SRMS: variants seen among roughly 807,000 people sequenced by gnomAD.
The protein encoded by SRMS is tyrosine-protein kinase Srms.
SRMS carries 42 observed loss-of-function variants against 43.5 expected under a neutral mutation model. That is an observed-to-expected ratio of 0.97 (90% CI 0.75 to 1.25). The LOEUF (loss-of-function observed/expected upper bound fraction) is 1.25, where lower values mean the gene tolerates loss of function less well. Among genes scored for constraint, SRMS ranks in the 50% most tolerant of loss-of-function variants. SRMS has a pLI of 0.00. For synonymous variants in SRMS, 316 were observed against 308.2 expected (o/e 1.03, Z -0.27); for missense variants, 703 against 681.0 (o/e 1.03, Z -0.36).
intron 5 of SRMS, 129 bp from the exon 6 acceptor site, chr20:63,541,749 G>A (rs1336677429): frequency 1.3e-5 from 16 of 1,192,744 alleles, no homozygotes; most frequent in Admixed American, 1.2e-4. Flanking sequence ...TGGCATGGCC[G>A]GCTAAGGCCA....
chr20:63,547,215 C>G lies in SRMS; in HGVS notation c.249G>C (p.Glu83Asp). ...TGCGTGCGAAGATGTAGCCGCCCCC[C>G]TCTTCGAGGGCACAGAGCCTGTCCC... ...RRGDRLCALE[E>D]GGGYIFARRL... Residue 83 changes from glutamate (E) to aspartate (D), a missense_variant, in exon 1 of 8, where the codon GAG (glutamate) becomes GAC (aspartate). By Grantham distance (45) the Glu-to-Asp change is conservative. Transcript: ENST00000217188. The G allele has an allele frequency of 6.2e-7, 1 of 1,612,356 alleles. No homozygotes were observed. The highest frequency in any genetic ancestry group is 8.5e-7 in the Non-Finnish European group (1 of 1,179,706).
chr20:63,543,541 C>T (rs991935499), intron 2 of SRMS, 61 bp from the exon 3 acceptor site: 1 of 1,574,166 alleles, frequency 6.4e-7, no homozygotes, highest in African/African-American at 1.3e-5. Flanking sequence ...GACCCTCCCA[C>T]CCCAGAGGAT....
rs1228936788 is a variant in SRMS at position 63,540,308 on chromosome 20, C to T, written c.*510G>A. On this transcript the variant is annotated 3_prime_UTR_variant, in exon 8 of 8. Coordinates refer to ENST00000217188, the MANE Select transcript of SRMS (RefSeq NM_080823.4). ...TGGGAGTCAGCACTGGTCATTTCCA[C>T]AAACCCAAGCTGGGACTAGGGAGAG... Among the ~76,000 whole-genome samples, 2 of 152,174 alleles carry T rather than the reference C, an allele frequency of 1.3e-5. No homozygotes were observed. Among genetic ancestry groups the T allele is most frequent in the Non-Finnish European group, 2.9e-5 (2 of 68,034 alleles).
rs370061091 is a variant in SRMS, at chr20:63,544,325, C to T, written c.380G>A (p.Arg127Gln). 3.2e-5 allele frequency: 47 copies of T among 1,477,280 alleles called. No individual in the cohort carries two copies. Among genetic ancestry groups the T allele is most frequent in the African/African-American group, 2.9e-5 (2 of 68,398 alleles). The allele number at this position is 1,477,280 out of a possible 1,614,324, so 91.5% of individuals were successfully genotyped here. A position where few individuals can be genotyped will look rare whatever the true frequency, so the allele number is the denominator to read the frequency against. The change falls in exon 2 of 8, where the codon CGG becomes CAG. Residue 127 changes from arginine (R) to glutamine (Q), a missense_variant. By Grantham distance (43) the Arg-to-Gln change is conservative. Transcript: ENST00000217188. The part of the protein sequence containing the change: ...DQPWYFSGVS[R>Q]TQAQQLLLSP... The stretch of plus-strand genomic sequence containing the variant: ...GAGGAGCAGCTGCTGTGCCTGGGTC[C>T]GACTGACCCCGCTAAAGTACCAGCT...
Position 63,547,244 on chromosome 20 carries a change from G to A in SRMS, c.220C>T (p.Arg74Cys), listed in dbSNP as rs768464633. The stretch of plus-strand genomic sequence containing the variant: ...TCGAGGGCACAGAGCCTGTCCCCGC[G>A]GCGGACACTCAGCTCCCCGCCACAC... ...ARCGGELSVR[R>C]GDRLCALEEG... Residue 74 changes from arginine (R) to cysteine (C), a missense_variant, in exon 1 of 8, where the codon CGC becomes TGC. By Grantham distance (180) the Arg-to-Cys change is radical. Transcript: ENST00000217188. 1.2e-5 allele frequency: 20 copies of A among 1,610,588 alleles called. No homozygotes were observed. Among genetic ancestry groups the A allele is most frequent in the Admixed American group, 3.3e-5 (2 of 59,722 alleles).
intron 4 of SRMS, 37 bp downstream of exon 4, chr20:63,542,403 C>A: frequency 6.3e-7 from 1 of 1,598,404 alleles, no homozygotes. Context: ...ACAGCAGGTG[C>A]GGGGCCCGGC....
At chr20:63,547,023 G>T in intron 1 of SRMS, 85 bp downstream of exon 1, 1 of 1,237,826 alleles carries the variant, frequency 8.1e-7, no homozygotes, top group African/African-American at 1.5e-5. Context: ...ACGGACATGC[G>T]ATTTCCAACT....
chr20:63,542,724 G>A lies in SRMS; in HGVS notation c.646-143C>T, dbSNP rs982803307. ...ACCCTGGCTGGGACAAAGGGGAGTG[G>A]GTGCCAGGCTTGGAGGCCCGGCCCA... On this transcript the variant is annotated intron_variant, in intron 3 of 7. Transcript: ENST00000217188. 3 of 1,151,872 alleles carry A rather than the reference G, an allele frequency of 2.6e-6. No individual in the cohort carries two copies. In the African/African-American group the frequency reaches 4.8e-5, roughly 18 times the overall value. The allele number at this position is 1,151,872 out of a possible 1,614,324, so 71.4% of individuals were successfully genotyped here. A position where few individuals can be genotyped will look rare whatever the true frequency, so the allele number is the denominator to read the frequency against.
Position 63,540,966 on chromosome 20 carries a change from A to G in SRMS, c.1319T>C (p.Met440Thr), listed in dbSNP as rs146978744. ...CGGGCGCGGCAGCCGGTACCCTCGC[A>G]TGATCTGCTGCAGCGTCTCGTGGTT... ...MTNHETLQQI[M>T]RGYRLPRPAA... is the part of the protein sequence containing the mutation. Residue 440 changes from methionine to threonine, a missense_variant, in exon 8 of 8, where the codon ATG becomes ACG. Physicochemically the swap from Met to Thr is moderately conservative, Grantham distance 81 (BLOSUM62 -1). Transcript: ENST00000217188. The G allele has an allele frequency of 4.5e-5, 72 of 1,608,370 alleles. No homozygotes were observed. Among genetic ancestry groups the G allele is most frequent in the Non-Finnish European group, 5.3e-5 (63 of 1,179,506 alleles).
At chr20:63,545,009 C>T (rs561516770) in intron 1 of SRMS, among the ~76,000 whole-genome samples, 3 of 152,338 alleles carry the variant, frequency 2.0e-5, no homozygotes, top group South Asian at 4.1e-4. Flanking sequence ...GGCGTCTGTT[C>T]GCACAGACAC....
At position 63,539,719 on chromosome 20, in the gene SRMS, C is replaced by T. The variant is rs1217569651; in HGVS notation, c.*1099G>A. ...TGCCCCCTCCTGCCTTGGTGACCCC[C>T]GAGGACTCACACCCAGAGGCTTCCT... On this transcript the variant is annotated 3_prime_UTR_variant, in exon 8 of 8. Transcript: ENST00000217188. 2.0e-5 allele frequency among the ~76,000 whole-genome samples: 3 copies of T among 152,156 alleles called. No individual in the cohort carries two copies. The highest frequency in any genetic ancestry group is 2.9e-5 in the Non-Finnish European group (2 of 68,008).
chr20:63,544,639 C>T (rs1402569566), intron 1 of SRMS, among the ~76,000 whole-genome samples: 1 of 152,042 alleles, frequency 6.6e-6, no homozygotes, highest in Non-Finnish European at 1.5e-5. Context: ...GCCCCAGCCA[C>T]AGGTTAACAG....
chr20:63,547,547 T>G lies in SRMS; in HGVS notation c.-84A>C. On this transcript the variant is annotated 5_prime_UTR_variant, in exon 1 of 8. Coordinates refer to ENST00000217188, the MANE Select transcript of SRMS (RefSeq NM_080823.4). The stretch of plus-strand genomic sequence containing the variant: ...AACTGGCAGGGCCGGTGGGACCCGG[T>G]GTCCAGCGCTCCCTGCCCTGGCCGT... The G allele has an allele frequency of 7.7e-7, 1 of 1,292,770 alleles. No individual in the cohort carries two copies. Among genetic ancestry groups the G allele is most frequent in the Non-Finnish European group, 1.0e-6 (1 of 975,850 alleles). The allele number at this position is 1,292,770 out of a possible 1,614,324, so 80.1% of individuals were successfully genotyped here. A position where few individuals can be genotyped will look rare whatever the true frequency, so the allele number is the denominator to read the frequency against.
In SRMS at chr20:63,541,190, C is replaced by T. The variant is rs1468997426; in HGVS notation, c.1285+1G>A. 3.2e-6 allele frequency: 5 copies of T among 1,552,716 alleles called. No individual in the cohort carries two copies. The South Asian group carries it at 4.9e-5, about 15-fold the overall frequency. On this transcript the variant is annotated splice_donor_variant, in intron 7 of 7. Coordinates refer to ENST00000217188, the MANE Select transcript of SRMS (RefSeq NM_080823.4). LOFTEE classifies it high-confidence loss of function. ...CTCCCTCTGGCTGCCTGGGGACCCA[C>T]CTTCATAGGGACACTGGCCATAGGT...
Position 63,547,422 on chromosome 20 carries a change from G to A in SRMS, c.42C>T (p.Phe14=). The A allele has an allele frequency of 6.5e-7, 1 of 1,543,300 alleles. No individual in the cohort carries two copies. The highest frequency in any genetic ancestry group is 1.2e-5 in the South Asian group (1 of 84,844). ...CCGCCGGCCAGATCTTGTCCCAGAA[G>A]AAGGACAGGAAGGCCAGCCGCCTCC... ...FLRRRLAFLS[F]FWDKIWPAGG... is the part of the protein sequence containing the mutation. Residue 14 remains phenylalanine, a synonymous_variant, in exon 1 of 8, where the codon TTC becomes TTT. Transcript: ENST00000217188.
rs149894938 is a variant in SRMS, at chr20:63,547,262, C to T, written c.202G>A (p.Gly68Arg). 2.1e-5 allele frequency: 34 copies of T among 1,610,532 alleles called. No homozygotes were observed. The highest frequency in any genetic ancestry group is 1.7e-4 in the Middle Eastern group (1 of 6,016). The change falls in exon 1 of 8, where the codon GGG (glycine) becomes AGG (arginine). Residue 68 changes from glycine (G) to arginine (R), a missense_variant. Gly to Arg is a moderately radical substitution (Grantham distance 125). Coordinates refer to ENST00000217188, the MANE Select transcript of SRMS (RefSeq NM_080823.4). ...ALYDFTARCG[G>R]ELSVRRGDRL... ...TCCCCGCGGCGGACACTCAGCTCCC[C>T]GCCACACCGCGCCGTGAAGTCATAG...
In SRMS at chr20:63,543,395, G is replaced by A. The variant is rs113866891; in HGVS notation, c.564C>T (p.Pro188=). 3.1e-3 allele frequency: 4,962 copies of A among 1,612,818 alleles called. 101 individuals are homozygous for A. In the African/African-American group the frequency reaches 0.047, roughly 15 times the overall value. ...SLYLQKGRLF[P]GLEELLTYYK... ...AGTAGGTGAGCAGCTCCTCCAGGCC[G>A]GGAAAGAGCCGTCCCTTCTGCAGGT... is the stretch of plus-strand genomic sequence containing the variant. Residue 188 remains proline (P), a synonymous_variant, in exon 3 of 8, where the codon CCC becomes CCT. Transcript: ENST00000217188.
At chr20:63,542,615 G>T (rs376448387) in intron 3 of SRMS, 34 bp from the exon 4 acceptor site, 1 of 1,579,384 alleles carries the variant, frequency 6.3e-7, no homozygotes, top group East Asian at 2.2e-5. Flanking sequence ...GCTGGTCAGC[G>T]TGGGCCCCTG....
intron 5 of SRMS, 42 bp downstream of exon 5, chr20:63,542,121 G>C: frequency 6.3e-7 from 1 of 1,578,566 alleles, no homozygotes; most frequent in Non-Finnish European, 8.6e-7. Flanking sequence ...AGGGGCGGTC[G>C]CAGGCGCGTC....
Sources: allele counts gnomAD v4.1 joint callset (sites outside exome capture counted in the v4.1 genomes callset), GRCh38; gene constraint gnomAD v4.1.1; transcripts MANE v1.5; gene names NCBI Gene and HGNC (gene_info 2026-07-23, HGNC 2026-07-21).